The following CHD6 variants were observed in gnomAD, a reference collection of about 807,000 sequenced individuals.
CHD6 encodes the protein ATP-dependent chromatin remodeler CHD6.
Under a neutral mutation model 276.9 loss-of-function variants are expected in CHD6, and 50 were observed. The observed-to-expected ratio is 0.18, with a 90% confidence interval of 0.14 to 0.23. The LOEUF (loss-of-function observed/expected upper bound fraction) is 0.23, where lower values mean the gene tolerates loss of function less well. Ranked by LOEUF, CHD6 falls within the 10% of genes least tolerant of loss-of-function variation. The pLI is 1.00. For missense variants in CHD6, 2,564 were observed against 3,365.8 expected, an observed-to-expected ratio of 0.76 and a Z score of 5.89; for synonymous variants, 1,173 against 1,229.3, an observed-to-expected ratio of 0.95 and a Z score of 0.96.
intron 1 of CHD6, among the ~76,000 whole-genome samples, chr20:41,555,748 G>C (rs1343631536): frequency 1.3e-5 from 2 of 151,968 alleles, no homozygotes; most frequent in Non-Finnish European, 2.9e-5. Flanking sequence ...GCCGGGCAGA[G>C]ACGCTCCTCA....
chr20:41,493,484 G>C, intron 10 of CHD6, 54 bp downstream of exon 10: 1 of 1,572,440 alleles, frequency 6.4e-7, no homozygotes. Context: ...TGATTGCAAA[G>C]TTCATAAAAT....
intron 1 of CHD6, among the ~76,000 whole-genome samples, chr20:41,569,994 C>T (rs1409092821): frequency 6.6e-6 from 1 of 152,142 alleles, no homozygotes; most frequent in Non-Finnish European, 1.5e-5. Context: ...TCAGTCCAAG[C>T]ACTGAGAACC....
chr20:41,476,810 GAAAAA>G (rs969690207), intron 16 of CHD6, among the ~76,000 whole-genome samples: 12 of 141,740 alleles, frequency 8.5e-5, no homozygotes, highest in Non-Finnish European at 4.7e-5. Flanking sequence ...GAAAGAAAAA[GAAAAA>G]AAAAAGCTAA....
At position 41,416,681 on chromosome 20, in the gene CHD6, G is replaced by C. The variant is rs768943230; in HGVS notation, c.6393C>G (p.Thr2131=). 3.0e-5 allele frequency: 49 copies of C among 1,614,016 alleles called. No individual in the cohort carries two copies. Among genetic ancestry groups the C allele is most frequent in the Non-Finnish European group, 3.9e-5 (46 of 1,180,020 alleles). The change falls in exon 33 of 37, where the codon ACC becomes ACG. Residue 2131 remains threonine (T), a synonymous_variant. Transcript: ENST00000373233. ...PSGTLPTPVL[T]SSAGSRTSLS... ...GGCTGGTTCGAGAACCAGCACTGCT[G>C]GTTAATACCGGGGTGGGCAGTGTGC...
chr20:41,600,880 T>C (rs1433004074), intron 1 of CHD6, among the ~76,000 whole-genome samples: 1 of 152,124 alleles, frequency 6.6e-6, no homozygotes. Context: ...CATTTGCCCC[T>C]CCCTATGACT....
At chr20:41,507,057 C>T (rs2043993621) in intron 5 of CHD6, among the ~76,000 whole-genome samples, 1 of 152,050 alleles carries the variant, frequency 6.6e-6, no homozygotes. Context: ...GACTACTTTC[C>T]CCACCTGCTC....
At position 41,565,097 on chromosome 20, in the gene CHD6, A is replaced by AT. The variant is rs762728208; in HGVS notation, c.-23-13738dup. Among the ~76,000 whole-genome samples the AT allele has an allele frequency of 6.0e-3, 850 of 141,414 alleles. 3 individuals carry two copies. The highest frequency in any genetic ancestry group is 0.013 in the East Asian group (65 of 4,906). 92.8% of individuals were successfully genotyped at this position (141,414 alleles called of 152,430 possible). On this transcript the variant is annotated intron_variant, in intron 1 of 36. Coordinates refer to ENST00000373233, the MANE Select transcript of CHD6 (RefSeq NM_032221.5). ...GAGTCCAAGAAAATGAAGATAATGG[A>AT]TTTTTTTTTTTTTTTTGAGATAGAG...
In CHD6 at chr20:41,533,530, T is replaced by C. The variant is rs778153320; in HGVS notation, c.74A>G (p.Asp25Gly). 9 of 1,612,952 alleles carry C rather than the reference T, an allele frequency of 5.6e-6. No homozygotes were observed. Among genetic ancestry groups the C allele is most frequent in the South Asian group, 1.1e-5 (1 of 90,984 alleles). Residue 25 changes from aspartate (D) to glycine (G), a missense_variant, in exon 3 of 37, where the codon GAT becomes GGT. This residue lies in a region of CHD6 where 286 missense variants were observed against 297.8 expected (regional missense o/e 0.96). Transcript: ENST00000373233. ...TTTGTAGTCAAAATTGACAGAGGCA[T>C]CAGACATTGGGGAGTGATTCAAAAC... ...LKVLNHSPMS[D>G]ASVNFDYKSP...
At chr20:41,542,037 AAAT>A (rs1251907911) in intron 2 of CHD6, among the ~76,000 whole-genome samples, 1 of 152,222 alleles carries the variant, frequency 6.6e-6, no homozygotes, top group Non-Finnish European at 1.5e-5. Context: ...GAGAGAGGGA[AAAT>A]AATAATAAGT....
chr20:41,417,415 G>A (rs1012105139), intron 31 of CHD6, 66 bp from the exon 32 acceptor site: 3 of 1,372,630 alleles, frequency 2.2e-6, no homozygotes, highest in East Asian at 2.4e-5. Context: ...TGATCTGAGA[G>A]ATTAGGATAT....
rs949187738 is a variant in CHD6 at position 41,403,785 on chromosome 20, G to A, written c.*808C>T. 5 of 1,057,788 alleles carry A rather than the reference G, an allele frequency of 4.7e-6. No individual in the cohort carries two copies. Among genetic ancestry groups the A allele is most frequent in the Non-Finnish European group, 5.7e-6 (5 of 874,628 alleles). The allele number at this position is 1,057,788 out of a possible 1,614,324, so 65.5% of individuals were successfully genotyped here. ...ACCAGGTGAGAGCAGAGCGCTAGCC[G>A]TGTGCTTGTGAAGCAGCGTGTAGCT... On this transcript the variant is annotated 3_prime_UTR_variant, in exon 37 of 37. Transcript: ENST00000373233.
At position 41,460,663 on chromosome 20, in the gene CHD6, CTTAAATTTTAGATG is replaced by C. The variant is rs1157364703; in HGVS notation, c.2665-3249_2665-3236del. Among the ~76,000 whole-genome samples, 3 of 152,338 alleles carry C rather than the reference CTTAAATTTTAGATG, an allele frequency of 2.0e-5. No individual in the cohort carries two copies. In the East Asian group the frequency reaches 5.8e-4, roughly 29 times the overall value. On this transcript the variant is annotated intron_variant, in intron 17 of 36. Coordinates refer to ENST00000373233, the MANE Select transcript of CHD6 (RefSeq NM_032221.5). The stretch of plus-strand genomic sequence containing the variant: ...AAGAATTGAGATTTGGGAACCTCCA[CTTAAATTTTAGATG>C]TATGCAAATGCCTGGATGTCCAAGC...
intron 2 of CHD6, among the ~76,000 whole-genome samples, chr20:41,542,419 G>A (rs1268468804): frequency 6.6e-6 from 1 of 152,218 alleles, no homozygotes; most frequent in African/African-American, 2.4e-5. Context: ...TCGGCTGGGC[G>A]CAGTGGCTCA....
In CHD6 at chr20:41,437,257, C is replaced by G. The variant is rs2047740042; in HGVS notation, c.4068+17G>C. The G allele has an allele frequency of 6.3e-7, 1 of 1,594,374 alleles. No individual in the cohort carries two copies. Reference sequence around the variant, plus strand: ...TGAAAGACGGTGTAAATGACCAATACTGCACATTTGACTCACCGTTTGTTT... The same window carrying G: ...TGAAAGACGGTGTAAATGACCAATAGTGCACATTTGACTCACCGTTTGTTT... On this transcript the variant is annotated intron_variant, in intron 27 of 36. Coordinates refer to ENST00000373233, the MANE Select transcript of CHD6 (RefSeq NM_032221.5).
chr20:41,543,335 C>T (rs1300189408), intron 2 of CHD6, among the ~76,000 whole-genome samples: 1 of 152,074 alleles, frequency 6.6e-6, no homozygotes, highest in Admixed American at 6.6e-5. Flanking sequence ...ATTTCAAGGG[C>T]CATTGCTTTT....
intron 1 of CHD6, among the ~76,000 whole-genome samples, chr20:41,579,455 A>AAAAAAAAAAAAAC (rs2045512670): frequency 6.6e-6 from 1 of 150,388 alleles, no homozygotes; most frequent in Non-Finnish European, 1.5e-5. Flanking sequence ...AAAAAAAAAA[A>AAAAAAAAAAAAAC]TCTTAAAAGG....
Position 41,452,824 on chromosome 20 carries a change from G to C in CHD6, c.3239C>G (p.Thr1080Arg). The C allele has an allele frequency of 6.2e-7, 1 of 1,613,464 alleles. No homozygotes were observed. Among genetic ancestry groups the C allele is most frequent in the Non-Finnish European group, 8.5e-7 (1 of 1,179,918 alleles). The change falls in exon 21 of 37, where the codon ACG becomes AGG. Residue 1080 changes from threonine (T) to arginine (R), a missense_variant. Physicochemically the swap from Thr to Arg is moderately conservative, Grantham distance 71. Around this residue, in one of 7 missense-constraint regions of CHD6, gnomAD observed 515 missense variants for 739.5 expected, o/e 0.70. Coordinates refer to ENST00000373233, the MANE Select transcript of CHD6 (RefSeq NM_032221.5). This position sits in a 1 kb window ranked among gnomAD's most constrained non-coding sequence, Gnocchi z 4.2. ...ELDSDSDERP[T>R]RSRRLNDKAR... ...TTTGTCATTGAGGCGCCTGGATCTC[G>C]TGGGCCTTTCGTCTGAGTCGCTGTC...
intron 8 of CHD6, among the ~76,000 whole-genome samples, chr20:41,495,911 G>GT (rs2043674530): frequency 6.6e-6 from 1 of 152,216 alleles, no homozygotes; most frequent in Non-Finnish European, 1.5e-5. Flanking sequence ...ACCCAGGTGT[G>GT]TGTGAGGCTG....
At chr20:41,493,795 A>G in intron 9 of CHD6, 63 bp downstream of exon 9, 2 of 1,563,564 alleles carry the variant, frequency 1.3e-6, no homozygotes, top group South Asian at 2.2e-5. Flanking sequence ...CAAGGGTCAC[A>G]TGTTAAAACA....
Sources: gnomAD v4.1 joint callset for allele counts (sites outside exome capture counted in the v4.1 genomes callset) on GRCh38, gnomAD v4.1.1 for gene constraint, gnomAD v4.1.1 regional missense constraint, Gnocchi (gnomAD v3.1) non-coding constraint, MANE v1.5 for transcripts, NCBI Gene and HGNC (gene_info 2026-07-23, HGNC 2026-07-21) for gene names.